Variants in OTOF observed in about 807,000 individuals in gnomAD.
OTOF encodes the protein fer-1-like family member 2.
A neutral mutation model predicts 236.8 loss-of-function variants in OTOF; 218 were observed. The ratio of observed to expected loss-of-function variants is 0.92; its 90% confidence interval spans 0.82 to 1.03. OTOF has a LOEUF of 1.03. OTOF is among the 50% of genes least tolerant of loss of function. The pLI is 0.00. For synonymous variants in OTOF, 1,041 were observed against 1,072.5 expected (o/e 0.97, Z 0.57); for missense variants, 2,590 against 2,694.4 (o/e 0.96, Z 0.86).
At chr2:26,538,422 T>A (rs1558523116) in intron 1 of OTOF, among the ~76,000 whole-genome samples, 2 of 152,220 alleles carry the variant, frequency 1.3e-5, no homozygotes. Context: ...CTGCCCCCAC[T>A]TTCCCCACTG....
chr2:26,499,845 C>A (rs1344135613), intron 8 of OTOF, among the ~76,000 whole-genome samples: 1 of 152,182 alleles, frequency 6.6e-6, no homozygotes, highest in Non-Finnish European at 1.5e-5. Flanking sequence ...AATAATTTCA[C>A]ATTTGCATCC....
At chr2:26,533,844 C>T (rs981060728) in intron 2 of OTOF, among the ~76,000 whole-genome samples, 2 of 152,022 alleles carry the variant, frequency 1.3e-5, no homozygotes, top group Non-Finnish European at 2.9e-5. Context: ...CAATGACGAA[C>T]AAGACAGGTG....
chr2:26,554,472 C>A (rs1369591682), intron 1 of OTOF, among the ~76,000 whole-genome samples: 3 of 151,126 alleles, frequency 2.0e-5, no homozygotes, highest in South Asian at 2.1e-4. Flanking sequence ...GGGCAGCATG[C>A]AGAGGTGTGG....
At chr2:26,486,560 T>A (rs1001488243) in intron 11 of OTOF, among the ~76,000 whole-genome samples, 1 of 152,194 alleles carries the variant, frequency 6.6e-6, no homozygotes, top group Non-Finnish European at 1.5e-5. Context: ...AAATTTACCT[T>A]CAAATTTAAA....
rs148601079 is a variant in OTOF at position 26,463,025 on chromosome 2, G to C, written c.5192+458C>G. The stretch of plus-strand genomic sequence containing the variant: ...CAGGCACTCCAAAGAAAACTTGGCG[G>C]AACATCACACTAGCCTGGATGTGAG... On this transcript the variant is annotated intron_variant, in intron 41 of 46. Transcript: ENST00000272371. Among the ~76,000 whole-genome samples, 614 of 152,316 alleles carry C rather than the reference G, an allele frequency of 4.0e-3. 5 individuals carry two copies. Among genetic ancestry groups the C allele is most frequent in the Admixed American group, 8.0e-3 (122 of 15,298 alleles).
chr2:26,528,517 C>A (rs1241128010), intron 2 of OTOF, among the ~76,000 whole-genome samples: 3 of 152,228 alleles, frequency 2.0e-5, no homozygotes, highest in Non-Finnish European at 4.4e-5. Context: ...CACAGCCTGT[C>A]CCCAACTCAT....
chr2:26,548,262 T>C (rs1282130359), intron 1 of OTOF, among the ~76,000 whole-genome samples: 1 of 152,240 alleles, frequency 6.6e-6, no homozygotes, highest in Admixed American at 6.5e-5. Flanking sequence ...CTATTTTCTA[T>C]TTCCTTCCTT....
rs768212231 is a variant in OTOF at position 26,471,100 on chromosome 2, C to T, written c.3894+21G>A. On this transcript the variant is annotated intron_variant, in intron 31 of 46. Coordinates refer to ENST00000272371, the MANE Select transcript of OTOF (RefSeq NM_194248.3). ...AAAGGACCCTCTCACCCCAGAGCCC[C>T]TGCATGGCCCCCACACTCACCACAT... 3.9e-5 allele frequency: 63 copies of T among 1,613,826 alleles called. No homozygotes were observed. In the East Asian group the frequency reaches 1.4e-3, roughly 35 times the overall value.
intron 5 of OTOF, among the ~76,000 whole-genome samples, chr2:26,515,234 G>T (rs1257701078): frequency 2.6e-5 from 4 of 152,222 alleles, no homozygotes; most frequent in Admixed American, 2.6e-4. Flanking sequence ...CTCAGGCCTG[G>T]GTTTTCTGCT....
At chr2:26,487,534 C>T (rs1337208362) in intron 11 of OTOF, among the ~76,000 whole-genome samples, 1 of 152,170 alleles carries the variant, frequency 6.6e-6, no homozygotes, top group Non-Finnish European at 1.5e-5. Context: ...TATATGGGGT[C>T]GTGAGGGTGA....
At chr2:26,533,277 C>T (rs371831146) in intron 2 of OTOF, among the ~76,000 whole-genome samples, 7 of 152,292 alleles carry the variant, frequency 4.6e-5, no homozygotes, top group Admixed American at 2.0e-4. Flanking sequence ...CTGTCTTCCA[C>T]GAAACCAGCC....
rs1464201777 is a variant in OTOF, at chr2:26,477,871, C to T, written c.2215-122G>A. 1 of 1,552,276 alleles carries T rather than the reference C, an allele frequency of 6.4e-7. No homozygotes were observed. The highest frequency in any genetic ancestry group is 2.4e-5 in the East Asian group (1 of 41,060). The stretch of plus-strand genomic sequence containing the variant: ...CATGATCTGGGAGCTCTCGCTAGGG[C>T]CATCCTGAGTATCGGTCATCATGAG... On this transcript the variant is annotated intron_variant, in intron 18 of 46. Transcript: ENST00000272371. This position sits in a 1 kb window ranked among gnomAD's most constrained non-coding sequence, Gnocchi z 4.7.
intron 8 of OTOF, 81 bp downstream of exon 8, chr2:26,501,673 A>G: frequency 4.2e-6 from 4 of 951,386 alleles, no homozygotes; most frequent in Non-Finnish European, 6.9e-6. Context: ...ATGCCTCAGT[A>G]TAGTGGATAA....
At chr2:26,506,532 G>C (rs767705077) in intron 5 of OTOF, among the ~76,000 whole-genome samples, 5 of 152,178 alleles carry the variant, frequency 3.3e-5, no homozygotes, top group East Asian at 3.9e-4. Context: ...CCTGAGTCCC[G>C]GGGGGAGTGC....
rs1667659322 is a variant in OTOF at position 26,558,702 on chromosome 2, G to A, written c.-131C>T. ...CTCCTCCCGACCCCCCTCCGATGCT[G>A]CCCACAGAGACCAAGGCAACCAAGC... On this transcript the variant is annotated 5_prime_UTR_variant, in exon 1 of 47. Coordinates refer to ENST00000272371, the MANE Select transcript of OTOF (RefSeq NM_194248.3). 1.3e-6 allele frequency: 1 copy of A among 770,390 alleles called. No individual in the cohort carries two copies. The highest frequency in any genetic ancestry group is 1.5e-5 in the South Asian group (1 of 66,120). The allele number at this position is 770,390 out of a possible 1,614,324, so 47.7% of individuals were successfully genotyped here. A position where few individuals can be genotyped will look rare whatever the true frequency, so the allele number is the denominator to read the frequency against.
At chr2:26,471,014 C>G (rs191308930) in intron 31 of OTOF, 107 bp downstream of exon 31, 1 of 1,416,712 alleles carries the variant, frequency 7.1e-7, no homozygotes, top group African/African-American at 1.4e-5. Context: ...CCCAAGCATG[C>G]GGGGGCTGGG....
intron 3 of OTOF, among the ~76,000 whole-genome samples, chr2:26,524,015 C>T (rs1192067431): frequency 6.6e-6 from 1 of 152,248 alleles, no homozygotes; most frequent in African/African-American, 2.4e-5. Context: ...CCTCTTCTTT[C>T]CCATCTCAGC....
At chr2:26,535,005 G>A (rs1375575419) in intron 2 of OTOF, among the ~76,000 whole-genome samples, 1 of 152,234 alleles carries the variant, frequency 6.6e-6, no homozygotes, top group Admixed American at 6.5e-5. Flanking sequence ...CCAGGGTATG[G>A]CTCCAGGCTA....
rs771093496 is a variant in OTOF at position 26,467,523 on chromosome 2, G to A, written c.4091-22C>T. The A allele has an allele frequency of 5.0e-6, 8 of 1,611,494 alleles. No homozygotes were observed. The African/African-American group carries it at 9.3e-5, about 19-fold the overall frequency. ...AGGCCTGGCCAGAAGCAGAAAAGGA[G>A]GTGGAGCAGAAATGAGCAGAGCAGG... On this transcript the variant is annotated intron_variant, in intron 33 of 46. Transcript: ENST00000272371.
Sources: allele counts gnomAD v4.1 joint callset (sites outside exome capture counted in the v4.1 genomes callset), GRCh38; gene constraint gnomAD v4.1.1; non-coding constraint Gnocchi (gnomAD v3.1); transcripts MANE v1.5; gene names NCBI Gene and HGNC (gene_info 2026-07-23, HGNC 2026-07-21).